PHLPP1: variants seen among roughly 807,000 people sequenced by gnomAD.
PHLPP1 encodes PH domain and leucine rich repeat protein phosphatase 1.
Under a neutral mutation model 117.2 loss-of-function variants are expected in PHLPP1, and 42 were observed. The observed-to-expected ratio is 0.36, with a 90% CI of 0.28 to 0.46. PHLPP1 has a LOEUF of 0.46. PHLPP1 is among the 20% of genes least tolerant of loss of function. The pLI, the probability that PHLPP1 is intolerant of heterozygous loss-of-function variation, is 1.00. For missense variants in PHLPP1, 2,084 were observed against 2,241.9 expected, an observed-to-expected ratio of 0.93 and a Z score of 1.42; for synonymous variants, 1,042 against 970.7, an observed-to-expected ratio of 1.07 and a Z score of -1.37.
At position 62,762,634 on chromosome 18, in the gene PHLPP1, G is replaced by A. The variant is rs1322803313; in HGVS notation, c.1576+45375G>A. On this transcript the variant is annotated intron_variant, in intron 1 of 16. Transcript: ENST00000262719. Reference sequence around the variant, plus strand: ...TCACCATGTTGGCCAGGCTGGTCTCGAACTCCTGACCTCAAATGATCCACC... The same window carrying A: ...TCACCATGTTGGCCAGGCTGGTCTCAAACTCCTGACCTCAAATGATCCACC... Among the ~76,000 whole-genome samples the A allele has an allele frequency of 3.3e-5, 5 of 151,686 alleles. No homozygotes were observed. The East Asian group carries it at 9.7e-4, about 29-fold the overall frequency.
chr18:62,811,762 A>C (rs1914129299), intron 1 of PHLPP1, among the ~76,000 whole-genome samples: 1 of 152,138 alleles, frequency 6.6e-6, no homozygotes, highest in Non-Finnish European at 1.5e-5. Context: ...ATAAGTTGAG[A>C]GAAGCCATCT....
At chr18:62,824,418 C>A (rs1199387911) in intron 1 of PHLPP1, among the ~76,000 whole-genome samples, 1 of 152,044 alleles carries the variant, frequency 6.6e-6, no homozygotes, top group Non-Finnish European at 1.5e-5. Context: ...TGAACTCTTG[C>A]AACAACATGG....
chr18:62,856,654 G>A (rs988498914), intron 3 of PHLPP1, among the ~76,000 whole-genome samples: 2 of 152,066 alleles, frequency 1.3e-5, no homozygotes, highest in African/African-American at 2.4e-5. Flanking sequence ...GGCTGATCTC[G>A]AACTTCTGGG....
intron 13 of PHLPP1, among the ~76,000 whole-genome samples, chr18:62,959,655 A>T (rs575886126): frequency 1.3e-5 from 2 of 152,174 alleles, no homozygotes; most frequent in Non-Finnish European, 2.9e-5. Context: ...CAATGTTGGA[A>T]TATTTGTTGC....
chr18:62,828,634 G>A (rs760125539), intron 1 of PHLPP1, among the ~76,000 whole-genome samples: 11 of 152,126 alleles, frequency 7.2e-5, no homozygotes, highest in Admixed American at 1.3e-4. Flanking sequence ...TATTGGGAAC[G>A]TTCAGATACT....
chr18:62,931,687 G>A (rs1568165511), intron 10 of PHLPP1, among the ~76,000 whole-genome samples: 2 of 151,684 alleles, frequency 1.3e-5, no homozygotes, highest in African/African-American at 2.4e-5. Context: ...AAGGTCAAGA[G>A]TTTGAGACCA....
intron 1 of PHLPP1, among the ~76,000 whole-genome samples, chr18:62,749,353 A>G (rs530502886): frequency 2.0e-5 from 3 of 152,304 alleles, no homozygotes; most frequent in South Asian, 4.1e-4. Context: ...ATTTACTACA[A>G]TATGGAAAAG....
intron 10 of PHLPP1, among the ~76,000 whole-genome samples, chr18:62,940,678 A>G (rs1910108141): frequency 6.7e-6 from 1 of 150,092 alleles, no homozygotes; most frequent in African/African-American, 2.4e-5. Context: ...TCCTCTTTTC[A>G]CTCTAGCATC....
chr18:62,811,024 A>T, intron 1 of PHLPP1, among the ~76,000 whole-genome samples: 1 of 152,200 alleles, frequency 6.6e-6, no homozygotes, highest in East Asian at 1.9e-4. Context: ...GGACACATGG[A>T]GATATAGAGA....
intron 4 of PHLPP1, among the ~76,000 whole-genome samples, chr18:62,870,429 T>C (rs1915875500): frequency 6.6e-6 from 1 of 152,240 alleles, no homozygotes; most frequent in Non-Finnish European, 1.5e-5. Flanking sequence ...AAATGTCCAG[T>C]CACTTAGTGT....
intron 6 of PHLPP1, among the ~76,000 whole-genome samples, chr18:62,900,205 G>A (rs1173835140): frequency 2.0e-5 from 3 of 151,946 alleles, no homozygotes; most frequent in Non-Finnish European, 4.4e-5. Context: ...GCTAAGGCAG[G>A]AGACTTGTTT....
At chr18:62,788,027 T>C (rs575727913) in intron 1 of PHLPP1, among the ~76,000 whole-genome samples, 1 of 152,386 alleles carries the variant, frequency 6.6e-6, no homozygotes, top group South Asian at 2.1e-4. Flanking sequence ...TTCAGTATCC[T>C]GTCATAAACA....
chr18:62,772,354 T>A (rs979391014), intron 1 of PHLPP1, among the ~76,000 whole-genome samples: 5 of 152,134 alleles, frequency 3.3e-5, no homozygotes, highest in East Asian at 1.9e-4. Flanking sequence ...TTATTTTTTT[T>A]AAGCATAATT....
At chr18:62,843,189 C>A (rs1276850568) in intron 3 of PHLPP1, 1 of 152,066 alleles carries the variant, frequency 6.6e-6, no homozygotes, top group Non-Finnish European at 1.5e-5. Context: ...GTCTTTACAT[C>A]TTGATGTTTA....
At chr18:62,945,310 G>A (rs781427586) in intron 12 of PHLPP1, 39 bp downstream of exon 12, 44 of 1,516,802 alleles carry the variant, frequency 2.9e-5, no homozygotes, top group African/African-American at 9.9e-5. Flanking sequence ...GCTTCAGGTC[G>A]GCAAAGAAAG....
At chr18:62,874,857 T>A (rs1470665048) in intron 4 of PHLPP1, among the ~76,000 whole-genome samples, 1 of 152,202 alleles carries the variant, frequency 6.6e-6, no homozygotes, top group African/African-American at 2.4e-5. Context: ...TCACCAGGAA[T>A]TGATTTTTTT....
At chr18:62,917,131 T>G in intron 9 of PHLPP1, among the ~76,000 whole-genome samples, 1 of 150,348 alleles carries the variant, frequency 6.7e-6, no homozygotes. Flanking sequence ...AAGTTCTCTG[T>G]TTTGCTGAAG....
intron 3 of PHLPP1, among the ~76,000 whole-genome samples, chr18:62,850,387 G>T (rs960448399): frequency 7.0e-6 from 1 of 143,426 alleles, no homozygotes; most frequent in Non-Finnish European, 1.5e-5. Context: ...ACTCCATCTC[G>T]GGGGGGCGGG....
At chr18:62,766,596 T>C (rs1912542706) in intron 1 of PHLPP1, among the ~76,000 whole-genome samples, 1 of 152,158 alleles carries the variant, frequency 6.6e-6, no homozygotes, top group African/African-American at 2.4e-5. Flanking sequence ...GGGTGAAATA[T>C]TAGCCAAGAC....
Sources: allele counts gnomAD v4.1 joint callset (sites outside exome capture counted in the v4.1 genomes callset), GRCh38; gene constraint gnomAD v4.1.1; transcripts MANE v1.5; gene names NCBI Gene and HGNC (gene_info 2026-07-23, HGNC 2026-07-21).